Variants in TOX3 observed in about 807,000 individuals in gnomAD.
The protein encoded by TOX3 is CAG trinucleotide repeat-containing gene F9 protein.
TOX3 carries 22 observed loss-of-function variants against 64.3 expected under a neutral mutation model. The ratio of observed to expected loss-of-function variants is 0.34; its 90% CI spans 0.24 to 0.49. The LOEUF is 0.49. TOX3 is among the 20% of genes least tolerant of loss of function. The probability of loss-of-function intolerance (pLI) is 0.99; values close to 1 mark genes in which losing one functional copy is unlikely to be tolerated. For missense variants in TOX3, 661 were observed against 714.4 expected (o/e 0.93, Z 0.85); for synonymous variants, 291 against 273.6 (o/e 1.06, Z -0.63).
intron 1 of TOX3, among the ~76,000 whole-genome samples, chr16:52,514,973 C>T (rs1163114960): frequency 7.9e-6 from 1 of 125,958 alleles, no homozygotes; most frequent in Admixed American, 9.5e-5. Context: ...ATGACAGCCA[C>T]TGCACTCCAT....
At chr16:52,494,588 G>A (rs1384873428) in intron 1 of TOX3, among the ~76,000 whole-genome samples, 1 of 152,042 alleles carries the variant, frequency 6.6e-6, no homozygotes, top group Non-Finnish European at 1.5e-5. Context: ...TTCTACATTT[G>A]TTAGATTACT....
chr16:52,535,213 G>T (rs892454246), intron 1 of TOX3, among the ~76,000 whole-genome samples: 1 of 152,158 alleles, frequency 6.6e-6, no homozygotes, highest in Non-Finnish European at 1.5e-5. Context: ...CAGCACACTT[G>T]CTGAACTACC....
intron 1 of TOX3, among the ~76,000 whole-genome samples, chr16:52,483,941 C>A (rs1365562338): frequency 6.6e-6 from 1 of 152,044 alleles, no homozygotes; most frequent in African/African-American, 2.4e-5. Flanking sequence ...GAAGTTAGCA[C>A]TTAATGTGGT....
intron 1 of TOX3, among the ~76,000 whole-genome samples, chr16:52,470,997 C>T (rs1428494966): frequency 6.6e-6 from 1 of 152,148 alleles, no homozygotes; most frequent in Non-Finnish European, 1.5e-5. Context: ...TGACTTGTTG[C>T]AGGCAATTGT....
intron 1 of TOX3, among the ~76,000 whole-genome samples, chr16:52,476,196 A>G (rs752988368): frequency 1.3e-5 from 2 of 152,160 alleles, no homozygotes; most frequent in Non-Finnish European, 2.9e-5. Flanking sequence ...AACTTGGATC[A>G]AGCAGGAACA....
At chr16:52,474,676 G>C (rs1312739961) in intron 1 of TOX3, among the ~76,000 whole-genome samples, 1 of 151,700 alleles carries the variant, frequency 6.6e-6, no homozygotes, top group Non-Finnish European at 1.5e-5. Context: ...AAGAAGGGAG[G>C]GAGAGAGGGA....
chr16:52,454,039 C>T (rs1960441418), intron 3 of TOX3, among the ~76,000 whole-genome samples: 1 of 152,014 alleles, frequency 6.6e-6, no homozygotes, highest in Non-Finnish European at 1.5e-5. Flanking sequence ...AGAATGATTC[C>T]CCAGGCCCCC....
At chr16:52,443,903 G>T (rs1382694661) in intron 6 of TOX3, among the ~76,000 whole-genome samples, 1 of 152,122 alleles carries the variant, frequency 6.6e-6, no homozygotes, top group African/African-American at 2.4e-5. Context: ...AACCACAGGA[G>T]AATTTATAAT....
At chr16:52,458,363 G>C (rs1960585646) in intron 3 of TOX3, among the ~76,000 whole-genome samples, 2 of 152,094 alleles carry the variant, frequency 1.3e-5, no homozygotes, top group Admixed American at 6.6e-5. Flanking sequence ...GGACGACAAG[G>C]GCTGTGAATA....
intron 1 of TOX3, among the ~76,000 whole-genome samples, chr16:52,512,957 C>T (rs960141447): frequency 2.0e-5 from 3 of 152,220 alleles, no homozygotes; most frequent in African/African-American, 7.2e-5. Context: ...TAATACCTTT[C>T]TTCACATCCA....
intron 3 of TOX3, among the ~76,000 whole-genome samples, chr16:52,456,095 G>C (rs141032894): frequency 6.6e-6 from 1 of 152,152 alleles, no homozygotes; most frequent in Non-Finnish European, 1.5e-5. Context: ...AGGCTGGAAC[G>C]GCAAGTCATG....
Position 52,439,739 on chromosome 16 carries a change from T to C in TOX3, c.1217A>G (p.Asn406Ser), listed in dbSNP as rs187946572. ...QIVTSVTIAANMPSNIGAPLI... is the reference protein window; with the variant it reads ...QIVTSVTIAASMPSNIGAPLI... ...TGGAGCCCCAATGTTCGAGGGCATG[T>C]TGGCTGCAATGGTGACTGATGTGAC... is the stretch of plus-strand genomic sequence containing the variant. Residue 406 changes from asparagine to serine, a missense_variant, in exon 7 of 7, where the codon AAC (asparagine) becomes AGC (serine). Physicochemically the swap from Asn to Ser is conservative, Grantham distance 46. This residue lies in a region of TOX3 where 299 missense variants were observed against 292.1 expected (regional missense o/e 1.02). Transcript: ENST00000219746. 1.4e-4 allele frequency: 227 copies of C among 1,613,964 alleles called. 1 individual carries two copies. The African/African-American group carries it at 2.8e-3, about 20-fold the overall frequency.
intron 3 of TOX3, among the ~76,000 whole-genome samples, chr16:52,459,301 CCT>C (rs1213601662): frequency 2.6e-5 from 4 of 151,874 alleles, no homozygotes; most frequent in African/African-American, 7.3e-5. Flanking sequence ...AGAGTAAGAT[CCT>C]CTCTCTAAAA....
intron 1 of TOX3, among the ~76,000 whole-genome samples, chr16:52,491,297 C>T (rs963385764): frequency 4.6e-5 from 7 of 152,022 alleles, no homozygotes; most frequent in African/African-American, 1.7e-4. Flanking sequence ...TCTTCTTCCT[C>T]CTGCCCCTAC....
At chr16:52,461,427 T>A (rs1258719842) in intron 3 of TOX3, among the ~76,000 whole-genome samples, 1 of 152,140 alleles carries the variant, frequency 6.6e-6, no homozygotes, top group East Asian at 1.9e-4. Flanking sequence ...TCCCCCTTTT[T>A]TGTTCCTGCC....
At chr16:52,472,204 A>T (rs1435262479) in intron 1 of TOX3, among the ~76,000 whole-genome samples, 2 of 152,170 alleles carry the variant, frequency 1.3e-5, no homozygotes, top group Non-Finnish European at 2.9e-5. Flanking sequence ...TTATGTGCCT[A>T]TTATGTACAA....
chr16:52,533,525 G>A (rs533468758), intron 1 of TOX3, among the ~76,000 whole-genome samples: 28 of 152,270 alleles, frequency 1.8e-4, no homozygotes, highest in Non-Finnish European at 1.5e-4. Context: ...TCAACAGAGA[G>A]CAGAGCCTTA....
intron 1 of TOX3, among the ~76,000 whole-genome samples, chr16:52,520,702 C>T (rs563539260): frequency 3.9e-5 from 6 of 152,206 alleles, no homozygotes; most frequent in African/African-American, 1.2e-4. Flanking sequence ...AACATGTGGA[C>T]ATTTTTGTAG....
At chr16:52,471,880 A>AG (rs1567323294) in intron 1 of TOX3, among the ~76,000 whole-genome samples, 1 of 152,208 alleles carries the variant, frequency 6.6e-6, no homozygotes, top group Non-Finnish European at 1.5e-5. Context: ...GGGCTCAAGT[A>AG]ACTTGCCGAA....
Sources: allele counts gnomAD v4.1 joint callset (sites outside exome capture counted in the v4.1 genomes callset), GRCh38; gene constraint gnomAD v4.1.1; regional missense constraint gnomAD v4.1.1; transcripts MANE v1.5; gene names NCBI Gene and HGNC (gene_info 2026-07-23, HGNC 2026-07-21).